Variants in MED13 observed in about 807,000 individuals in gnomAD.
MED13 encodes mediator of RNA polymerase II transcription subunit 13.
MED13 carries 23 observed loss-of-function variants against 225.2 expected under a neutral mutation model. The ratio of observed to expected loss-of-function variants is 0.10; its 90% CI spans 0.07 to 0.14. The LOEUF is 0.14. Ranked by LOEUF, MED13 falls within the 10% of genes least tolerant of loss-of-function variation. The pLI, the probability that MED13 is intolerant of heterozygous loss-of-function variation, is 1.00. For missense variants in MED13, 2,197 were observed against 2,594.5 expected (o/e 0.85, Z 3.33); for synonymous variants, 942 against 889.2 (o/e 1.06, Z -1.06).
intron 3 of MED13, among the ~76,000 whole-genome samples, chr17:62,038,741 G>A (rs921454808): frequency 2.0e-5 from 3 of 152,096 alleles, no homozygotes; most frequent in African/African-American, 7.2e-5. Context: ...GTAGCTTGCT[G>A]CAGCCTCAAA....
chr17:62,034,121 T>G (rs560785292), intron 4 of MED13, 137 bp from the exon 5 acceptor site: 5 of 691,036 alleles, frequency 7.2e-6, no homozygotes, highest in Admixed American at 2.9e-5. Flanking sequence ...CAGAGAAAAA[T>G]CAACTTATTA....
chr17:61,981,923 G>A (rs191884809), intron 16 of MED13, among the ~76,000 whole-genome samples: 2 of 152,318 alleles, frequency 1.3e-5, no homozygotes, highest in East Asian at 3.9e-4. Context: ...GAATAAAGCA[G>A]ACCACTAGCA....
chr17:61,971,974 T>A (rs770995269), intron 17 of MED13, among the ~76,000 whole-genome samples: 3 of 152,068 alleles, frequency 2.0e-5, no homozygotes, highest in African/African-American at 7.2e-5. Context: ...AAATAAAATA[T>A]ATTTTCATTG....
At chr17:62,057,301 G>A (rs998402160) in intron 2 of MED13, among the ~76,000 whole-genome samples, 1 of 151,996 alleles carries the variant, frequency 6.6e-6, no homozygotes, top group Non-Finnish European at 1.5e-5. Context: ...AATATACCGA[G>A]AGCCTTAAGT....
At chr17:61,963,202 C>CAAAAAAAA (rs11290002) in intron 20 of MED13, among the ~76,000 whole-genome samples, 2,531 of 55,560 alleles carry the variant, frequency 0.046, 2 homozygotes, top group Middle Eastern at 0.071. Context: ...TTAAATTTAC[C>CAAAAAAAA]AAAAAAAAAA....
chr17:61,980,152 G>A (rs1388865235), intron 16 of MED13, among the ~76,000 whole-genome samples: 1 of 152,136 alleles, frequency 6.6e-6, no homozygotes, highest in African/African-American at 2.4e-5. Flanking sequence ...TCACGCCACT[G>A]CACTCCAGCC....
chr17:62,053,806 A>C (rs565225026), intron 2 of MED13, among the ~76,000 whole-genome samples: 5 of 152,226 alleles, frequency 3.3e-5, no homozygotes, highest in Non-Finnish European at 7.3e-5. Context: ...AATAAAAGCA[A>C]AGACATGTAT....
intron 28 of MED13, 117 bp downstream of exon 28, chr17:61,950,708 G>T: frequency 9.8e-7 from 1 of 1,016,508 alleles, no homozygotes. Flanking sequence ...AGTCACATAT[G>T]GCAGTGCATT....
chr17:61,980,050 G>A (rs1406678128), intron 16 of MED13, among the ~76,000 whole-genome samples: 1 of 152,104 alleles, frequency 6.6e-6, no homozygotes, highest in African/African-American at 2.4e-5. Context: ...TTAGCCGGGT[G>A]TGGTGGCGTG....
At position 61,965,106 on chromosome 17, in the gene MED13, C is replaced by T. The variant is rs1185867870; in HGVS notation, c.4744G>A (p.Gly1582Ser). Reference sequence around the variant, plus strand: ...GATGTCTGTTGCCCTCCTAGCTGACCACTCTGAACTGTATTTGCTTGTGTA... The same window carrying T: ...GATGTCTGTTGCCCTCCTAGCTGACTACTCTGAACTGTATTTGCTTGTGTA... Reference protein sequence around the residue: ...MSTQANTVQSGQLGGQQTSAL... With the variant: ...MSTQANTVQSSQLGGQQTSAL... The change falls in exon 20 of 30, where the codon GGT (glycine) becomes AGT (serine). Residue 1582 changes from glycine to serine, a missense_variant. Gly to Ser is a moderately conservative substitution (Grantham distance 56). Transcript: ENST00000397786. 2 of 1,614,194 alleles carry T rather than the reference C, an allele frequency of 1.2e-6. No individual in the cohort carries two copies. The highest frequency in any genetic ancestry group is 3.3e-5 in the Admixed American group (2 of 60,022).
chr17:61,965,169 A>T lies in MED13; in HGVS notation c.4681T>A (p.Phe1561Ile). The change falls in exon 20 of 30, where the codon TTT (phenylalanine) becomes ATT (isoleucine). Residue 1561 changes from phenylalanine to isoleucine, a missense_variant. Phe to Ile is a conservative substitution (Grantham distance 21). Coordinates refer to ENST00000397786, the MANE Select transcript of MED13 (RefSeq NM_005121.3). ...SSNKLPSFPP[F>I]GSMNSNAAGS... ...GCAGCATTACTGTTCATACTGCCAA[A>T]GGGTGGAAACGAAGGTAGTTTATTT... is the stretch of plus-strand genomic sequence containing the variant. 1 of 1,614,184 alleles carries T rather than the reference A, an allele frequency of 6.2e-7. No homozygotes were observed.
chr17:61,955,139 G>A (rs2079931354), intron 26 of MED13, among the ~76,000 whole-genome samples: 1 of 151,814 alleles, frequency 6.6e-6, no homozygotes, highest in East Asian at 1.9e-4. Context: ...CCACCACATG[G>A]CTTTCTTCTC....
At chr17:62,053,194 A>C (rs537230524) in intron 2 of MED13, among the ~76,000 whole-genome samples, 10 of 152,302 alleles carry the variant, frequency 6.6e-5, no homozygotes, top group African/African-American at 2.2e-4. Context: ...CTACAACACT[A>C]AGTGATGAAT....
intron 21 of MED13, among the ~76,000 whole-genome samples, chr17:61,962,468 T>C (rs972711623): frequency 2.6e-5 from 4 of 152,244 alleles, no homozygotes; most frequent in Non-Finnish European, 5.9e-5. Context: ...TACATTTTTC[T>C]ATTTAGGCTC....
chr17:62,056,654 G>A (rs1421669156), intron 2 of MED13, among the ~76,000 whole-genome samples: 1 of 152,128 alleles, frequency 6.6e-6, no homozygotes, highest in Admixed American at 6.5e-5. Flanking sequence ...CCAGCTGCTG[G>A]GGAAGCTGAG....
At chr17:61,983,831 C>T (rs540581104) in intron 15 of MED13, among the ~76,000 whole-genome samples, 3 of 151,604 alleles carry the variant, frequency 2.0e-5, no homozygotes, top group South Asian at 2.1e-4. Flanking sequence ...CAGGTTCAAG[C>T]CATTCTTGTG....
intron 3 of MED13, among the ~76,000 whole-genome samples, chr17:62,048,043 C>CATATACATATACATATATATATAT: frequency 1.5e-5 from 2 of 131,142 alleles, no homozygotes; most frequent in East Asian, 5.0e-4. Flanking sequence ...TATACATATA[C>CATATACATATACATATATATATAT]ATATATATAT....
intron 2 of MED13, among the ~76,000 whole-genome samples, chr17:62,054,338 A>G (rs573607411): frequency 9.2e-5 from 14 of 151,984 alleles, no homozygotes; most frequent in Admixed American, 3.3e-4. Context: ...AAGCTTAGGG[A>G]AAAAAAAGTA....
chr17:61,954,104 C>T (rs907682717), intron 26 of MED13, among the ~76,000 whole-genome samples: 16 of 152,260 alleles, frequency 1.1e-4, no homozygotes, highest in South Asian at 2.1e-4. Context: ...CAACTGAAAT[C>T]ATGTAAAGCA....
Sources: allele counts gnomAD v4.1 joint callset (sites outside exome capture counted in the v4.1 genomes callset), GRCh38; gene constraint gnomAD v4.1.1; transcripts MANE v1.5; gene names NCBI Gene and HGNC (gene_info 2026-07-23, HGNC 2026-07-21).